CFAP61: variants seen among roughly 807,000 people sequenced by gnomAD.
CFAP61 encodes cilia- and flagella-associated protein 61.
CFAP61 carries 107 observed loss-of-function variants against 135.6 expected under a neutral mutation model. That is an observed-to-expected ratio of 0.79 (90% CI 0.67 to 0.93). The LOEUF (loss-of-function observed/expected upper bound fraction) is 0.93. CFAP61 is among the 40% of genes least tolerant of loss of function. The pLI, the probability that CFAP61 is intolerant of heterozygous loss-of-function variation, is 0.00. For missense variants in CFAP61, 1,507 were observed against 1,556.2 expected (o/e 0.97, Z 0.53); for synonymous variants, 575 against 578.5 (o/e 0.99, Z 0.09).
chr20:20,241,785 C>CATTATT (rs1011901678), intron 18 of CFAP61, among the ~76,000 whole-genome samples: 2 of 151,818 alleles, frequency 1.3e-5, no homozygotes, highest in South Asian at 2.1e-4. Flanking sequence ...AGTATAAACA[C>CATTATT]ATTATTATTA....
chr20:20,249,785 C>T (rs2050743933), intron 19 of CFAP61, among the ~76,000 whole-genome samples: 2 of 152,324 alleles, frequency 1.3e-5, no homozygotes, highest in East Asian at 1.9e-4. Context: ...GAGCCTTTAT[C>T]TTTGGGCACA....
intron 19 of CFAP61, among the ~76,000 whole-genome samples, chr20:20,250,126 CTT>C (rs1330412367): frequency 6.6e-6 from 1 of 152,200 alleles, no homozygotes; most frequent in Admixed American, 6.5e-5. Flanking sequence ...CTAGAATTCT[CTT>C]TGTGTGGTAA....
At chr20:20,205,843 T>G (rs932014807) in intron 17 of CFAP61, among the ~76,000 whole-genome samples, 1 of 152,190 alleles carries the variant, frequency 6.6e-6, no homozygotes, top group Non-Finnish European at 1.5e-5. Context: ...TGTTACAAAA[T>G]TATGGTGGCA....
At chr20:20,273,047 T>TC in intron 21 of CFAP61, among the ~76,000 whole-genome samples, 1 of 149,990 alleles carries the variant, frequency 6.7e-6, no homozygotes, top group East Asian at 1.9e-4. Context: ...CTTAATTTTT[T>TC]TTTTTTTTTT....
At chr20:20,191,468 C>G in intron 15 of CFAP61, 49 bp downstream of exon 15, 4 of 1,394,000 alleles carry the variant, frequency 2.9e-6, no homozygotes, top group Non-Finnish European at 4.1e-6. Flanking sequence ...CTTGCTATAT[C>G]ATGAATTAGC....
At chr20:20,186,855 A>G (rs1397985199) in intron 13 of CFAP61, among the ~76,000 whole-genome samples, 1 of 152,240 alleles carries the variant, frequency 6.6e-6, no homozygotes, top group Non-Finnish European at 1.5e-5. Context: ...CCCATTGAGT[A>G]ATAATACCCT....
intron 25 of CFAP61, among the ~76,000 whole-genome samples, chr20:20,320,958 G>C (rs1232910068): frequency 6.6e-6 from 1 of 151,144 alleles, no homozygotes; most frequent in East Asian, 1.9e-4. Context: ...AATTTTGAAG[G>C]GTGCTTTACA....
chr20:20,139,437 G>C (rs557212105), intron 8 of CFAP61, among the ~76,000 whole-genome samples: 1 of 152,208 alleles, frequency 6.6e-6, no homozygotes, highest in East Asian at 1.9e-4. Context: ...TAAACCAATA[G>C]TTCATGACTT....
chr20:20,132,206 A>T (rs2050585880), intron 8 of CFAP61, among the ~76,000 whole-genome samples: 1 of 152,134 alleles, frequency 6.6e-6, no homozygotes, highest in African/African-American at 2.4e-5. Context: ...ATTTCACATA[A>T]CATAGTGTCT....
Position 20,233,284 on chromosome 20 carries a change from C to T in CFAP61, c.2060+4908C>T, listed in dbSNP as rs537087376. On this transcript the variant is annotated intron_variant, in intron 18 of 26. Coordinates refer to ENST00000245957, the MANE Select transcript of CFAP61 (RefSeq NM_015585.4). ...CTAATTAGGTGACTAATTAAATAGT[C>T]AGTGCTTCCTTGCTGATCTCAGAGC... Among the ~76,000 whole-genome samples, 6 of 151,024 alleles carry T rather than the reference C, an allele frequency of 4.0e-5. No homozygotes were observed. The South Asian group carries it at 1.2e-3, about 31-fold the overall frequency.
Position 20,306,301 on chromosome 20 carries a change from G to T in CFAP61, c.3422+7915G>T, listed in dbSNP as rs2056473314. Reference sequence around the variant, plus strand: ...GAAATGAACACATGGAGTTCTGCAAGAAGTATGAACTTTGAAACATTTACC... The same window carrying T: ...GAAATGAACACATGGAGTTCTGCAATAAGTATGAACTTTGAAACATTTACC... On this transcript the variant is annotated intron_variant, in intron 25 of 26. Transcript: ENST00000245957. 1.3e-5 allele frequency among the ~76,000 whole-genome samples: 2 copies of T among 152,208 alleles called. 1 individual carries two copies.
At chr20:20,109,660 A>G (rs1165631768) in intron 8 of CFAP61, among the ~76,000 whole-genome samples, 2 of 152,080 alleles carry the variant, frequency 1.3e-5, no homozygotes, top group African/African-American at 4.8e-5. Context: ...TTTACCTACA[A>G]TTTATTCTCT....
At chr20:20,082,311 C>G (rs2046486254) in intron 6 of CFAP61, among the ~76,000 whole-genome samples, 1 of 152,228 alleles carries the variant, frequency 6.6e-6, no homozygotes, top group South Asian at 2.1e-4. Flanking sequence ...GTGACACATT[C>G]AAAACCAATG....
intron 8 of CFAP61, among the ~76,000 whole-genome samples, chr20:20,107,033 GA>G (rs1340964581): frequency 1.3e-5 from 2 of 152,156 alleles, no homozygotes; most frequent in Non-Finnish European, 2.9e-5. Context: ...CTTTTCTCTT[GA>G]AAATCAATTG....
chr20:20,260,832 T>C (rs551458194), intron 20 of CFAP61, among the ~76,000 whole-genome samples: 9 of 152,350 alleles, frequency 5.9e-5, no homozygotes, highest in Middle Eastern at 3.4e-3. Flanking sequence ...ACTGATGTAA[T>C]GTTACCCAGA....
intron 21 of CFAP61, among the ~76,000 whole-genome samples, 195 bp downstream of exon 21, chr20:20,263,325 A>C (rs1026938896): frequency 6.6e-6 from 1 of 152,198 alleles, no homozygotes; most frequent in African/African-American, 2.4e-5. Context: ...TTGCTGGGGG[A>C]AAGAAAAAAG....
chr20:20,157,136 G>T (rs560859128), intron 9 of CFAP61, among the ~76,000 whole-genome samples: 37 of 152,162 alleles, frequency 2.4e-4, no homozygotes, highest in African/African-American at 8.4e-4. Context: ...GCAGTGGCAT[G>T]ATCTCAGCTC....
rs1233469330 is a variant in CFAP61 at position 20,270,408 on chromosome 20, G to T, written c.2504-6758G>T. On this transcript the variant is annotated intron_variant, in intron 21 of 26. Coordinates refer to ENST00000245957, the MANE Select transcript of CFAP61 (RefSeq NM_015585.4). ...TTCAAAAGAATAAAATGACTTTTTA[G>T]CATCTACTAAAAATAATTTCTTTAA... is the stretch of plus-strand genomic sequence containing the variant. Among the ~76,000 whole-genome samples the T allele has an allele frequency of 2.0e-5, 3 of 152,268 alleles. No individual in the cohort carries two copies. In the East Asian group the frequency reaches 5.8e-4, roughly 29 times the overall value.
chr20:20,187,254 C>T (rs2055572696), intron 13 of CFAP61, among the ~76,000 whole-genome samples: 1 of 152,184 alleles, frequency 6.6e-6, no homozygotes, highest in Non-Finnish European at 1.5e-5. Flanking sequence ...CCAAAGCAAC[C>T]AATGTCGCTC....
Sources: gnomAD v4.1 joint callset for allele counts (sites outside exome capture counted in the v4.1 genomes callset) on GRCh38, gnomAD v4.1.1 for gene constraint, MANE v1.5 for transcripts, NCBI Gene and HGNC (gene_info 2026-07-23, HGNC 2026-07-21) for gene names.